The following STAU2 variants were observed in gnomAD, a reference collection of about 807,000 sequenced individuals.
STAU2 encodes the protein staufen double-stranded RNA binding protein 2, also known as double-stranded RNA-binding protein Staufen homolog 2.
STAU2 carries 20 observed loss-of-function variants against 65.9 expected under a neutral mutation model. The observed-to-expected ratio is 0.30, with a 90% CI of 0.21 to 0.44. The LOEUF (loss-of-function observed/expected upper bound fraction) is 0.44. STAU2 is among the 20% of genes least tolerant of loss of function. The pLI is 1.00. For missense variants in STAU2, 558 were observed against 683.9 expected (o/e 0.82, Z 2.05); for synonymous variants, 232 against 233.9 (o/e 0.99, Z 0.07).
chr8:73,668,749 C>T (rs1336729380), intron 6 of STAU2, among the ~76,000 whole-genome samples: 1 of 151,610 alleles, frequency 6.6e-6, no homozygotes, highest in Non-Finnish European at 1.5e-5. Flanking sequence ...GAGACAGGTA[C>T]TTCAGAATCC....
At chr8:73,630,642 T>C (rs1436292655) in intron 6 of STAU2, among the ~76,000 whole-genome samples, 1 of 152,182 alleles carries the variant, frequency 6.6e-6, no homozygotes, top group Non-Finnish European at 1.5e-5. Flanking sequence ...GAGTGGATGT[T>C]GACATGAGTT....
At chr8:73,592,466 C>A (rs911511177) in intron 11 of STAU2, among the ~76,000 whole-genome samples, 3 of 151,874 alleles carry the variant, frequency 2.0e-5, no homozygotes, top group African/African-American at 4.8e-5. Context: ...ACCTAAGTAA[C>A]CCTATCTATT....
At chr8:73,508,773 T>C (rs543346742) in intron 13 of STAU2, among the ~76,000 whole-genome samples, 1 of 152,366 alleles carries the variant, frequency 6.6e-6, no homozygotes, top group African/African-American at 2.4e-5. Context: ...CTATTTTTCA[T>C]ATAGCATGTT....
intron 6 of STAU2, among the ~76,000 whole-genome samples, chr8:73,619,159 G>C (rs1401203328): frequency 6.6e-6 from 1 of 152,102 alleles, no homozygotes; most frequent in Admixed American, 6.5e-5. Flanking sequence ...AACTCTGTGG[G>C]AGGGTGTGAT....
At chr8:73,664,377 TGATCTTACAA>T (rs1209745030) in intron 6 of STAU2, among the ~76,000 whole-genome samples, 1 of 152,246 alleles carries the variant, frequency 6.6e-6, no homozygotes, top group Non-Finnish European at 1.5e-5. Context: ...GCCTTGTTCC[TGATCTTACAA>T]GTATTCAGTC....
At chr8:73,557,824 T>C (rs1807905140) in intron 12 of STAU2, among the ~76,000 whole-genome samples, 1 of 152,246 alleles carries the variant, frequency 6.6e-6, no homozygotes, top group African/African-American at 2.4e-5. Flanking sequence ...GAACCCATTC[T>C]GCCATCATCT....
At chr8:73,607,888 C>A (rs1450534395) in intron 9 of STAU2, among the ~76,000 whole-genome samples, 1 of 152,120 alleles carries the variant, frequency 6.6e-6, no homozygotes, top group Non-Finnish European at 1.5e-5. Flanking sequence ...CTTGTCTCTA[C>A]TATCTGTAGA....
At position 73,603,723 on chromosome 8, in the gene STAU2, T is replaced by C. The variant is rs1336181475; in HGVS notation, c.1029+3A>G. The C allele has an allele frequency of 6.2e-7, 1 of 1,610,592 alleles. No homozygotes were observed. Among genetic ancestry groups the C allele is most frequent in the South Asian group, 1.1e-5 (1 of 90,558 alleles). On this transcript the variant is annotated splice_donor_region_variant and intron_variant, in intron 10 of 14. Coordinates refer to ENST00000524300, the MANE Select transcript of STAU2 (RefSeq NM_001164380.2). ...TTCAATAGTTTTAAAAGGTTAGAAATACCTGCATCACAAATTCTCGACGTC... is the reference window on the plus strand; with the variant it reads ...TTCAATAGTTTTAAAAGGTTAGAAACACCTGCATCACAAATTCTCGACGTC...
At chr8:73,482,817 T>C (rs975363464) in intron 13 of STAU2, among the ~76,000 whole-genome samples, 1 of 152,118 alleles carries the variant, frequency 6.6e-6, no homozygotes, top group Non-Finnish European at 1.5e-5. Flanking sequence ...ACAACTTCAT[T>C]TGCAGGATCA....
chr8:73,637,806 C>A (rs555392390), intron 6 of STAU2, among the ~76,000 whole-genome samples: 3 of 151,992 alleles, frequency 2.0e-5, no homozygotes, highest in African/African-American at 7.2e-5. Context: ...CTCTTAATTT[C>A]TTTAAGATAT....
At chr8:73,660,106 T>C (rs1816712574) in intron 6 of STAU2, among the ~76,000 whole-genome samples, 1 of 152,240 alleles carries the variant, frequency 6.6e-6, no homozygotes, top group African/African-American at 2.4e-5. Flanking sequence ...GAATTGGCTC[T>C]GTTTACTTAT....
At chr8:73,487,382 T>C (rs910231406) in intron 13 of STAU2, among the ~76,000 whole-genome samples, 1 of 152,050 alleles carries the variant, frequency 6.6e-6, no homozygotes, top group Non-Finnish European at 1.5e-5. Context: ...CTAATAGCCA[T>C]TGGAAATTAA....
At chr8:73,696,078 C>G (rs1376056677) in intron 4 of STAU2, among the ~76,000 whole-genome samples, 2 of 152,172 alleles carry the variant, frequency 1.3e-5, no homozygotes, top group Non-Finnish European at 2.9e-5. Context: ...AGTGGCTTAG[C>G]ACTCCATTTG....
chr8:73,429,756 C>T (rs1164320575), intron 13 of STAU2, among the ~76,000 whole-genome samples: 4 of 152,108 alleles, frequency 2.6e-5, no homozygotes, highest in Non-Finnish European at 4.4e-5. Context: ...TTTAAAGCCG[C>T]TCACGTTCCA....
intron 13 of STAU2, chr8:73,527,645 T>C: frequency 2.1e-6 from 3 of 1,443,488 alleles, no homozygotes; most frequent in Non-Finnish European, 2.8e-6. Flanking sequence ...GCCTTCCATT[T>C]CCGAGCTGGG....
chr8:73,592,963 G>C (rs1810932095), intron 11 of STAU2, among the ~76,000 whole-genome samples: 1 of 152,126 alleles, frequency 6.6e-6, no homozygotes, highest in Non-Finnish European at 1.5e-5. Flanking sequence ...CCTCTTATTT[G>C]ATCTCTCTGC....
intron 12 of STAU2, among the ~76,000 whole-genome samples, chr8:73,570,934 T>C (rs1031146897): frequency 6.6e-6 from 1 of 152,134 alleles, no homozygotes; most frequent in Non-Finnish European, 1.5e-5. Context: ...AATGCTCCAA[T>C]TAAAAGACAG....
At chr8:73,567,796 C>G (rs938365032) in intron 12 of STAU2, among the ~76,000 whole-genome samples, 3 of 151,992 alleles carry the variant, frequency 2.0e-5, no homozygotes, top group African/African-American at 7.2e-5. Context: ...GTGATCTACC[C>G]ACCTCAGCCC....
In STAU2 at chr8:73,465,044, T is replaced by A. The variant is rs546699782; in HGVS notation, c.1531-42342A>T. 7.2e-5 allele frequency among the ~76,000 whole-genome samples: 11 copies of A among 152,376 alleles called. No homozygotes were observed. The East Asian group carries it at 2.1e-3, about 29-fold the overall frequency. On this transcript the variant is annotated intron_variant, in intron 13 of 14. Transcript: ENST00000524300. ...ACAGCAACATGATTCTCTGTACTCT[T>A]GCTGAGAAAATACTTAATTTCGTTT...
Sources: allele counts gnomAD v4.1 joint callset (sites outside exome capture counted in the v4.1 genomes callset), GRCh38; gene constraint gnomAD v4.1.1; transcripts MANE v1.5; gene names NCBI Gene and HGNC (gene_info 2026-07-23, HGNC 2026-07-21).